The following NSUN4 variants were observed in gnomAD, a reference collection of about 807,000 sequenced individuals.
NSUN4 encodes 5-cytosine rRNA methyltransferase NSUN4.
Under a neutral mutation model 43.8 loss-of-function variants are expected in NSUN4, and 31 were observed. The ratio of observed to expected loss-of-function variants is 0.71; its 90% CI spans 0.53 to 0.96. The LOEUF (loss-of-function observed/expected upper bound fraction) is 0.96. NSUN4 is among the 40% of genes least tolerant of loss of function. The pLI is 0.00. For missense variants in NSUN4, 439 were observed against 475.6 expected (o/e 0.92, Z 0.72); for synonymous variants, 167 against 184.1 (o/e 0.91, Z 0.75).
In NSUN4 at chr1:46,345,026, G is replaced by C. The variant is rs1230396467; in HGVS notation, c.319G>C (p.Glu107Gln). 6.2e-7 allele frequency: 1 copy of C among 1,614,164 alleles called. No homozygotes were observed. The highest frequency in any genetic ancestry group is 8.5e-7 in the Non-Finnish European group (1 of 1,180,006). The stretch of plus-strand genomic sequence containing the variant: ...TGTGAATGAAGCCATCTCCCACTGG[G>C]AACTGCAGTCTGAGGGTGGCCAATC... ...DFVNEAISHW[E>Q]LQSEGGQSAA... The change falls in exon 2 of 6, where the codon GAA becomes CAA. Residue 107 changes from glutamate (E) to glutamine (Q), a missense_variant. Physicochemically the swap from Glu to Gln is conservative, Grantham distance 29. Transcript: ENST00000474844.
the NSUN4 span, among the ~76,000 whole-genome samples, chr1:46,373,654 G>T: frequency 6.6e-6 from 1 of 152,134 alleles, no homozygotes; most frequent in Non-Finnish European, 1.5e-5. Context: ...AGGCCCAGGA[G>T]GCCATCACCA....
intron 4 of NSUN4, among the ~76,000 whole-genome samples, chr1:46,358,563 A>G (rs1663569243): frequency 6.7e-6 from 1 of 150,146 alleles, no homozygotes; most frequent in Non-Finnish European, 1.5e-5. Context: ...CACCACACCC[A>G]GCTAATTTTT....
chr1:46,353,275 T>C (rs1424367707), intron 4 of NSUN4, among the ~76,000 whole-genome samples: 1 of 152,216 alleles, frequency 6.6e-6, no homozygotes, highest in Non-Finnish European at 1.5e-5. Flanking sequence ...AAAAATTTAC[T>C]AGGCTTACTT....
At chr1:46,365,620 G>A (rs1006458295), downstream of NSUN4, among the ~76,000 whole-genome samples, 22 of 152,126 alleles carry the variant, frequency 1.4e-4, no homozygotes, top group Non-Finnish European at 2.8e-4. Context: ...AGGATTACAG[G>A]TGTGAACCAC....
At chr1:46,341,220 C>T in intron 1 of NSUN4, 1 of 1,129,910 alleles carries the variant, frequency 8.9e-7, no homozygotes, top group Non-Finnish European at 1.1e-6. Context: ...GTCCACCTAC[C>T]TTTCTGTCCC....
chr1:46,341,184 G>A, intron 1 of NSUN4: 1 of 1,236,768 alleles, frequency 8.1e-7, no homozygotes, highest in African/African-American at 1.6e-5. Flanking sequence ...TTTTAGTGAT[G>A]TCACTGTCTC....
chr1:46,358,899 C>T (rs1276838867), intron 4 of NSUN4, among the ~76,000 whole-genome samples: 2 of 152,138 alleles, frequency 1.3e-5, no homozygotes, highest in African/African-American at 4.8e-5. Flanking sequence ...TACTCTTTCT[C>T]CCCTTCTCAC....
intron 4 of NSUN4, among the ~76,000 whole-genome samples, chr1:46,360,005 A>G (rs6678997): frequency 0.22 from 33,508 of 150,458 alleles, 4,160 homozygotes; most frequent in Non-Finnish European, 0.29. Context: ...CAAGGCGGGC[A>G]GATCATGAGG....
chr1:46,374,880 C>T, the NSUN4 span, among the ~76,000 whole-genome samples: 1 of 143,924 alleles, frequency 6.9e-6, no homozygotes, highest in Admixed American at 6.9e-5. Flanking sequence ...AGCATGAGAC[C>T]CCGTCTCTGG....
chr1:46,342,657 C>T (rs989559427), intron 1 of NSUN4: 1 of 399,384 alleles, frequency 2.5e-6, no homozygotes, highest in Non-Finnish European at 4.4e-6. Context: ...CCTTTCCTTC[C>T]CTTCACCCCT....
At chr1:46,350,232 C>T (rs1662879153) in intron 3 of NSUN4, among the ~76,000 whole-genome samples, 1 of 152,144 alleles carries the variant, frequency 6.6e-6, no homozygotes, top group South Asian at 2.1e-4. Flanking sequence ...TGAGTGCCCT[C>T]AAAAATGGAG....
At chr1:46,378,439 C>T in the NSUN4 span, among the ~76,000 whole-genome samples, 1 of 152,140 alleles carries the variant, frequency 6.6e-6, no homozygotes, top group African/African-American at 2.4e-5. Context: ...TCAAGTGATC[C>T]TCCCGCCTTG....
At position 46,341,679 on chromosome 1, in the gene NSUN4, T is replaced by C. The variant is rs1330437882; in HGVS notation, c.93+760T>C. ...ACAACCTTCCTCGCACTCAGGGAGA[T>C]GGTCTTTTGAGTCCTCTTCCCCACT... On this transcript the variant is annotated intron_variant, in intron 1 of 5. Transcript: ENST00000474844. 2.4e-6 allele frequency: 3 copies of C among 1,228,402 alleles called. No individual in the cohort carries two copies. The Admixed American group carries it at 1.3e-4, about 52-fold the overall frequency. The allele number at this position is 1,228,402 out of a possible 1,614,324, so 76.1% of individuals were successfully genotyped here. A position where few individuals can be genotyped will look rare whatever the true frequency, so the allele number is the denominator to read the frequency against.
At chr1:46,344,491 G>T (rs1214891426) in intron 1 of NSUN4, among the ~76,000 whole-genome samples, 1 of 152,182 alleles carries the variant, frequency 6.6e-6, no homozygotes, top group African/African-American at 2.4e-5. Flanking sequence ...CTAATCTTCT[G>T]CAGGCTCTCC....
Position 46,340,843 on chromosome 1 carries a change from T to A in NSUN4, c.17T>A (p.Leu6Gln). The A allele has an allele frequency of 6.2e-7, 1 of 1,612,210 alleles. No individual in the cohort carries two copies. Among genetic ancestry groups the A allele is most frequent in the Non-Finnish European group, 8.5e-7 (1 of 1,179,298 alleles). Residue 6 changes from leucine (L) to glutamine (Q), a missense_variant, in exon 1 of 6, where the codon CTG becomes CAG. Leu to Gln is a moderately radical substitution (Grantham distance 113). Coordinates refer to ENST00000474844, the MANE Select transcript of NSUN4 (RefSeq NM_199044.4). ...CACGCCGATATGGCTGCGCTGACAC[T>A]GAGGGGTGTCCGGGAGCTGCTGAAG... MAALT[L>Q]RGVRELLKRV...
Position 46,362,259 on chromosome 1 carries a change from A to C in NSUN4, c.*413A>C. ...GCCATTAGTTCCATTTGTACCAGCC[A>C]GTTACTGAGCCCCTGTCACCCTTGA... On this transcript the variant is annotated 3_prime_UTR_variant, in exon 6 of 6. Transcript: ENST00000474844. 1 of 177,856 alleles carries C rather than the reference A, an allele frequency of 5.6e-6. No homozygotes were observed. Among genetic ancestry groups the C allele is most frequent in the Non-Finnish European group, 1.2e-5 (1 of 84,236 alleles). 11.0% of individuals were successfully genotyped at this position (177,856 alleles called of 1,614,324 possible).
At chr1:46,382,971 G>A in the NSUN4 span, among the ~76,000 whole-genome samples, 1 of 152,178 alleles carries the variant, frequency 6.6e-6, no homozygotes, top group Non-Finnish European at 1.5e-5. Flanking sequence ...TGTGAGAGAG[G>A]CCAGGACAGC....
intron 3 of NSUN4, among the ~76,000 whole-genome samples, chr1:46,351,375 TGTA>T (rs1420694374): frequency 6.6e-6 from 1 of 152,082 alleles, no homozygotes; most frequent in Admixed American, 6.6e-5. Context: ...GGTTGAGAAA[TGTA>T]GTCTTTTGGG....
At chr1:46,376,096 TAA>T in the NSUN4 span, among the ~76,000 whole-genome samples, 4 of 40,892 alleles carry the variant, frequency 9.8e-5, no homozygotes, top group Non-Finnish European at 7.8e-5. Flanking sequence ...AGAGCGAAAC[TAA>T]AAAAAAAAAA....
Sources: allele counts gnomAD v4.1 joint callset (sites outside exome capture counted in the v4.1 genomes callset), GRCh38; gene constraint gnomAD v4.1.1; transcripts MANE v1.5; gene names NCBI Gene and HGNC (gene_info 2026-07-23, HGNC 2026-07-21).